ARHGEF26: variants seen among roughly 807,000 people sequenced by gnomAD.
ARHGEF26 encodes the protein Rho guanine nucleotide exchange factor 26, also known as Rho guanine nucleotide exchange factor (GEF) 26.
In ARHGEF26, 59 loss-of-function variants were observed where a neutral mutation model predicts 89.4. That is an observed-to-expected ratio of 0.66 (90% CI 0.54 to 0.82). The LOEUF (loss-of-function observed/expected upper bound fraction) is 0.82. ARHGEF26 is among the 40% of genes least tolerant of loss of function. ARHGEF26 has a pLI of 0.00. For missense variants in ARHGEF26, 1,234 were observed against 1,085.6 expected (o/e 1.14, Z -1.92); for synonymous variants, 500 against 428.4 (o/e 1.17, Z -2.06).
intron 4 of ARHGEF26, among the ~76,000 whole-genome samples, chr3:154,144,170 A>T (rs1024170716): frequency 1.3e-5 from 2 of 152,316 alleles, no homozygotes; most frequent in African/African-American, 4.8e-5. Flanking sequence ...AGTAGCTTGC[A>T]CAGCTCTTAA....
chr3:154,143,704 A>C (rs745974785), intron 4 of ARHGEF26, among the ~76,000 whole-genome samples: 1 of 152,232 alleles, frequency 6.6e-6, no homozygotes, highest in Non-Finnish European at 1.5e-5. Flanking sequence ...AACCACTGCT[A>C]TAAGTCTGGT....
chr3:154,253,583 T>C (rs1429870767), intron 13 of ARHGEF26, among the ~76,000 whole-genome samples: 3 of 152,036 alleles, frequency 2.0e-5, no homozygotes, highest in Non-Finnish European at 4.4e-5. Context: ...GTTTAAACCT[T>C]CTACATACTG....
rs1413905182 is a variant in ARHGEF26, at chr3:154,240,504, G to A, written c.2225G>A (p.Ser742Asn). The A allele has an allele frequency of 6.2e-7, 1 of 1,613,280 alleles. No individual in the cohort carries two copies. Among genetic ancestry groups the A allele is most frequent in the Non-Finnish European group, 8.5e-7 (1 of 1,179,592 alleles). ...CTCTATTCAAGACAGAGCTCTGCCA[G>A]TCACCTCTTTACTCTGACAGTCCTT... is the stretch of plus-strand genomic sequence containing the variant. ...TMLYSRQSSA[S>N]HLFTLTVLSN... Residue 742 changes from serine to asparagine, a missense_variant, in exon 12 of 15, where the codon AGT becomes AAT. Ser to Asn is a conservative substitution (Grantham distance 46). Transcript: ENST00000465093.
intron 4 of ARHGEF26, among the ~76,000 whole-genome samples, chr3:154,139,926 A>G (rs1205821358): frequency 6.6e-6 from 1 of 152,254 alleles, no homozygotes. Flanking sequence ...TTGACAGTAA[A>G]ATAAAATTGC....
Position 154,256,116 on chromosome 3 carries a change from A to G in ARHGEF26, c.*643A>G. ...CCTTACTTTAGGATTTTTAAAAAAA[A>G]ATCCATCTCACCCCATATTGTTCTT... On this transcript the variant is annotated 3_prime_UTR_variant, in exon 15 of 15. Transcript: ENST00000465093. 8 of 985,420 alleles carry G rather than the reference A, an allele frequency of 8.1e-6. No homozygotes were observed. Among genetic ancestry groups the G allele is most frequent in the Non-Finnish European group, 8.4e-6 (7 of 829,560 alleles). 61.0% of individuals were successfully genotyped at this position (985,420 alleles called of 1,614,324 possible).
intron 6 of ARHGEF26, among the ~76,000 whole-genome samples, chr3:154,159,566 ATCAAACTCTATTAAAATTGAAATG>A (rs1711545106): frequency 6.6e-6 from 1 of 152,114 alleles, no homozygotes; most frequent in Non-Finnish European, 1.5e-5. Context: ...CCTAATTTTA[ATCAAACTCTATTAAAATTGAAATG>A]TCATATGACA....
intron 12 of ARHGEF26, among the ~76,000 whole-genome samples, chr3:154,246,550 T>A (rs1211618941): frequency 6.6e-6 from 1 of 152,210 alleles, no homozygotes; most frequent in East Asian, 1.9e-4. Flanking sequence ...CTGCAATGGA[T>A]TCAAGGGGTG....
At chr3:154,200,925 G>A (rs144636092) in intron 9 of ARHGEF26, among the ~76,000 whole-genome samples, 1,633 of 151,860 alleles carry the variant, frequency 0.011, 23 homozygotes, top group African/African-American at 0.037. Context: ...ACTGATTTTT[G>A]TATGTTGATT....
chr3:154,161,280 GT>G (rs1471362810), intron 6 of ARHGEF26, among the ~76,000 whole-genome samples: 1 of 152,134 alleles, frequency 6.6e-6, no homozygotes, highest in Non-Finnish European at 1.5e-5. Context: ...GAAACAATAA[GT>G]TGAGTATTAC....
chr3:154,178,820 T>G (rs1712996617), intron 6 of ARHGEF26, among the ~76,000 whole-genome samples: 1 of 152,182 alleles, frequency 6.6e-6, no homozygotes. Flanking sequence ...AGTGGATATG[T>G]GTAGACTTGC....
intron 9 of ARHGEF26, among the ~76,000 whole-genome samples, chr3:154,208,488 G>A (rs1482801825): frequency 2.0e-5 from 3 of 151,996 alleles, no homozygotes; most frequent in Non-Finnish European, 1.5e-5. Flanking sequence ...TCTTTCTCTA[G>A]GTTTGGGAAG....
chr3:154,179,190 AT>A (rs1433544896), intron 6 of ARHGEF26, among the ~76,000 whole-genome samples: 1 of 152,198 alleles, frequency 6.6e-6, no homozygotes, highest in East Asian at 1.9e-4. Flanking sequence ...TCAAAAAAAA[AT>A]ATGCATGTAT....
chr3:154,236,363 A>C (rs761169947), intron 11 of ARHGEF26, among the ~76,000 whole-genome samples: 1 of 152,358 alleles, frequency 6.6e-6, no homozygotes, highest in East Asian at 1.9e-4. Context: ...ACCTGATAGG[A>C]GCTGCTGCTT....
chr3:154,156,976 A>G (rs1720373657), intron 6 of ARHGEF26, among the ~76,000 whole-genome samples: 1 of 152,152 alleles, frequency 6.6e-6, no homozygotes, highest in Non-Finnish European at 1.5e-5. Context: ...CATCCTGGAC[A>G]TCCAAATTAA....
chr3:154,256,079 G>C lies in ARHGEF26; in HGVS notation c.*606G>C. The C allele has an allele frequency of 2.0e-6, 2 of 985,356 alleles. No homozygotes were observed. The highest frequency in any genetic ancestry group is 2.4e-6 in the Non-Finnish European group (2 of 829,622). 61.0% of individuals were successfully genotyped at this position (985,356 alleles called of 1,614,324 possible). A position where few individuals can be genotyped will look rare whatever the true frequency, so the allele number is the denominator to read the frequency against. The stretch of plus-strand genomic sequence containing the variant: ...TTGTCACCTTTTTCCTCATTAGAAG[G>C]AAAGTAGAAAGCCTTACTTTAGGAT... On this transcript the variant is annotated 3_prime_UTR_variant, in exon 15 of 15. Coordinates refer to ENST00000465093, the MANE Select transcript of ARHGEF26 (RefSeq NM_015595.4).
intron 6 of ARHGEF26, among the ~76,000 whole-genome samples, chr3:154,179,298 C>T (rs1713035167): frequency 6.6e-6 from 1 of 152,232 alleles, no homozygotes; most frequent in Non-Finnish European, 1.5e-5. Flanking sequence ...AACACATTGG[C>T]TGGGCACAAT....
intron 9 of ARHGEF26, among the ~76,000 whole-genome samples, chr3:154,200,677 ATAATT>A (rs1217724365): frequency 1.1e-4 from 17 of 151,240 alleles, no homozygotes; most frequent in Non-Finnish European, 7.4e-5. Context: ...TTTTAATTTA[ATAATT>A]TAATTTAATA....
At chr3:154,163,752 G>T (rs1186241837) in intron 6 of ARHGEF26, among the ~76,000 whole-genome samples, 2 of 152,184 alleles carry the variant, frequency 1.3e-5, no homozygotes, top group Non-Finnish European at 2.9e-5. Context: ...CATGGACATT[G>T]TTCCCGAAGT....
At chr3:154,124,372 C>CTTTTTTTTTTTTTTTTTTCTTTTT in intron 2 of ARHGEF26, 38 bp from the exon 3 acceptor site, 1 of 1,007,768 alleles carries the variant, frequency 9.9e-7, no homozygotes, top group South Asian at 1.9e-5. Context: ...TTTGCTTTTC[C>CTTTTTTTTTTTTTTTTTTCTTTTT]TTTTTTTTTT....
Sources: allele counts gnomAD v4.1 joint callset (sites outside exome capture counted in the v4.1 genomes callset), GRCh38; gene constraint gnomAD v4.1.1; transcripts MANE v1.5; gene names NCBI Gene and HGNC (gene_info 2026-07-23, HGNC 2026-07-21).